The following PEBP4 variants were observed in gnomAD, a reference collection of about 807,000 sequenced individuals.
PEBP4 encodes the protein phosphatidylethanolamine-binding protein 4.
PEBP4 carries 22 observed loss-of-function variants against 23.9 expected under a neutral mutation model. That is an observed-to-expected ratio of 0.92 (90% CI 0.66 to 1.31). The LOEUF (loss-of-function observed/expected upper bound fraction) is 1.31. Ranked by LOEUF, PEBP4 falls within the 40% of genes most tolerant of loss-of-function variation. PEBP4 has a pLI of 0.00. For synonymous variants in PEBP4, 112 were observed against 99.3 expected (o/e 1.13, Z -0.76); for missense variants, 324 against 281.7 (o/e 1.15, Z -1.07).
At chr8:22,873,451 C>T (rs905054491) in intron 3 of PEBP4, among the ~76,000 whole-genome samples, 4 of 150,588 alleles carry the variant, frequency 2.7e-5, no homozygotes, top group Admixed American at 6.7e-5. Context: ...TACTGAGATA[C>T]TATCTGTGTG....
intron 4 of PEBP4, among the ~76,000 whole-genome samples, chr8:22,743,591 C>T (rs1363937720): frequency 6.6e-6 from 1 of 152,196 alleles, no homozygotes; most frequent in Non-Finnish European, 1.5e-5. Context: ...CTGCCTTTTC[C>T]TCCTCCATCC....
chr8:22,744,142 T>C (rs1042551028), intron 4 of PEBP4, among the ~76,000 whole-genome samples: 1 of 152,212 alleles, frequency 6.6e-6, no homozygotes, highest in African/African-American at 2.4e-5. Context: ...TAGACATTGG[T>C]CAGGGGAACA....
intron 4 of PEBP4, among the ~76,000 whole-genome samples, chr8:22,812,977 C>T (rs977860304): frequency 2.6e-5 from 4 of 152,178 alleles, no homozygotes; most frequent in East Asian, 1.9e-4. Flanking sequence ...GGTCAAACAA[C>T]TCGCTCAGCA....
intron 4 of PEBP4, among the ~76,000 whole-genome samples, chr8:22,747,292 C>CCCCA (rs1020606807): frequency 2.0e-5 from 3 of 152,186 alleles, no homozygotes; most frequent in African/African-American, 7.2e-5. Context: ...CTGGGGGTGC[C>CCCCA]CCCACCCTTG....
chr8:22,849,660 C>G (rs907397619), intron 3 of PEBP4, among the ~76,000 whole-genome samples: 1 of 152,232 alleles, frequency 6.6e-6, no homozygotes, highest in Non-Finnish European at 1.5e-5. Context: ...GTCGCATTCT[C>G]TGACATCCTG....
At chr8:22,931,265 C>T (rs1233022912), upstream of PEBP4, among the ~76,000 whole-genome samples, 1 of 152,108 alleles carries the variant, frequency 6.6e-6, no homozygotes, top group Admixed American at 6.5e-5. Context: ...TAAAATTCAC[C>T]CTTTTAATAT....
chr8:22,719,903 G>A (rs1192263898), intron 6 of PEBP4, among the ~76,000 whole-genome samples: 1 of 152,226 alleles, frequency 6.6e-6, no homozygotes, highest in African/African-American at 2.4e-5. Flanking sequence ...TGTGGGCATG[G>A]TACTCACAGA....
chr8:22,758,792 C>T (rs559045022), intron 4 of PEBP4, among the ~76,000 whole-genome samples: 49 of 152,306 alleles, frequency 3.2e-4, no homozygotes, highest in African/African-American at 1.1e-3. Context: ...CCACCCTGTC[C>T]GCAGTATGGT....
chr8:22,823,649 A>G (rs548345440), intron 3 of PEBP4, among the ~76,000 whole-genome samples: 2 of 152,174 alleles, frequency 1.3e-5, no homozygotes, highest in East Asian at 3.9e-4. Flanking sequence ...AGATTGATAT[A>G]TCTAACTAGA....
intron 3 of PEBP4, among the ~76,000 whole-genome samples, chr8:22,847,253 A>G (rs1563235693): frequency 6.6e-6 from 1 of 152,316 alleles, no homozygotes; most frequent in East Asian, 1.9e-4. Flanking sequence ...CGAAAGTCAG[A>G]TCTGCCATCC....
chr8:22,930,082 C>G (rs1159632085), upstream of PEBP4, among the ~76,000 whole-genome samples: 1 of 152,202 alleles, frequency 6.6e-6, no homozygotes, highest in African/African-American at 2.4e-5. Flanking sequence ...CCTCTACATT[C>G]CCTTTGCTCT....
At chr8:22,752,059 G>T (rs568444077) in intron 4 of PEBP4, among the ~76,000 whole-genome samples, 27 of 152,164 alleles carry the variant, frequency 1.8e-4, no homozygotes, top group Non-Finnish European at 3.8e-4. Flanking sequence ...ACCATGCCTG[G>T]CTAATTTTTT....
intron 3 of PEBP4, among the ~76,000 whole-genome samples, chr8:22,893,973 G>A (rs1808545774): frequency 6.6e-6 from 1 of 152,064 alleles, no homozygotes; most frequent in African/African-American, 2.4e-5. Context: ...GAAATGCCAA[G>A]CACAAGACAC....
intron 4 of PEBP4, among the ~76,000 whole-genome samples, chr8:22,798,778 C>T (rs1291604690): frequency 1.6e-5 from 2 of 127,908 alleles, no homozygotes; most frequent in African/African-American, 2.9e-5. Context: ...AACTCTGTCA[C>T]CCAGGCTGGA....
At chr8:22,901,337 G>A (rs1443748706) in intron 3 of PEBP4, among the ~76,000 whole-genome samples, 1 of 152,328 alleles carries the variant, frequency 6.6e-6, no homozygotes, top group East Asian at 1.9e-4. Flanking sequence ...GACGTGATGA[G>A]TGAAGATGGA....
intron 4 of PEBP4, among the ~76,000 whole-genome samples, chr8:22,816,482 C>T (rs1415737358): frequency 2.0e-5 from 3 of 152,250 alleles, no homozygotes; most frequent in Non-Finnish European, 4.4e-5. Flanking sequence ...ATTTAAACCC[C>T]TTCCTCCACC....
intron 4 of PEBP4, among the ~76,000 whole-genome samples, chr8:22,778,846 TAAAGTC>T (rs1805864563): frequency 1.3e-5 from 2 of 152,096 alleles, no homozygotes; most frequent in Admixed American, 1.3e-4. Context: ...TCGGGGTAAG[TAAAGTC>T]TTCAGCCAGT....
chr8:22,774,558 C>T (rs1022121292), intron 4 of PEBP4, among the ~76,000 whole-genome samples: 2 of 152,158 alleles, frequency 1.3e-5, no homozygotes, highest in African/African-American at 2.4e-5. Flanking sequence ...AAGGAGGCCC[C>T]GCAGGGAGGA....
chr8:22,779,645 T>A (rs1805878856), intron 4 of PEBP4, among the ~76,000 whole-genome samples: 1 of 152,234 alleles, frequency 6.6e-6, no homozygotes, highest in Non-Finnish European at 1.5e-5. Context: ...CCACTGGGAA[T>A]GTTCATTCAT....
Sources: allele counts gnomAD v4.1 joint callset (sites outside exome capture counted in the v4.1 genomes callset), GRCh38; gene constraint gnomAD v4.1.1; transcripts MANE v1.5; gene names NCBI Gene and HGNC (gene_info 2026-07-23, HGNC 2026-07-21).